AFF3: variants seen among roughly 807,000 people sequenced by gnomAD.
The protein encoded by AFF3 is ALF transcription elongation factor 3.
AFF3 carries 32 observed loss-of-function variants against 129.7 expected under a neutral mutation model. The ratio of observed to expected loss-of-function variants is 0.25; its 90% CI spans 0.19 to 0.33. The LOEUF is 0.33. Ranked by LOEUF, AFF3 falls within the 10% of genes least tolerant of loss-of-function variation. The pLI, the probability that AFF3 is intolerant of heterozygous loss-of-function variation, is 1.00. For missense variants in AFF3, 1,373 were observed against 1,592.0 expected (o/e 0.86, Z 2.34); for synonymous variants, 644 against 635.4 (o/e 1.01, Z -0.20).
Position 99,724,271 on chromosome 2 carries a change from C to CTTTTTTTTTTTTTTTTTTTTTTTTTTTTT in AFF3, c.1091+2805_1091+2806insAAAAAAAAAAAAAAAAAAAAAAAAAAAAA, listed in dbSNP as rs58303232. Among the ~76,000 whole-genome samples, 10 of 66,862 alleles carry CTTTTTTTTTTTTTTTTTTTTTTTTTTTTT rather than the reference C, an allele frequency of 1.5e-4. 5 individuals are homozygous for CTTTTTTTTTTTTTTTTTTTTTTTTTTTTT. The highest frequency in any genetic ancestry group is 2.6e-4 in the African/African-American group (4 of 15,252). The allele number at this position is 66,862 out of a possible 152,430, so 43.9% of individuals were successfully genotyped here. On this transcript the variant is annotated intron_variant, in intron 11 of 24. Coordinates refer to ENST00000672756, the MANE Select transcript of AFF3 (RefSeq NM_001386135.1). ...TCCTCACTTCAGTGGAATGACCTTT[C>CTTTTTTTTTTTTTTTTTTTTTTTTTTTTT]TTTTTTTTTTTTTTTTTTTGAGACA...
At chr2:100,070,211 TA>T (rs11320849) in intron 4 of AFF3, among the ~76,000 whole-genome samples, 78,354 of 149,548 alleles carry the variant, frequency 0.52, 21,243 homozygotes, top group African/African-American at 0.69. Context: ...GGTGGTTTTA[TA>T]AAAAAAAAAA....
intron 13 of AFF3, among the ~76,000 whole-genome samples, chr2:99,637,432 T>A (rs1683768497): frequency 6.6e-6 from 1 of 152,178 alleles, no homozygotes; most frequent in African/African-American, 2.4e-5. Context: ...CTTTTTTGAA[T>A]CTTTTTTTCT....
chr2:99,746,691 G>A (rs888129560), intron 9 of AFF3, among the ~76,000 whole-genome samples: 1 of 152,200 alleles, frequency 6.6e-6, no homozygotes, highest in African/African-American at 2.4e-5. Context: ...TTGGATAGAT[G>A]CTGTCACTAA....
At chr2:99,989,520 A>G (rs2104573694) in intron 7 of AFF3, among the ~76,000 whole-genome samples, 1 of 152,388 alleles carries the variant, frequency 6.6e-6, no homozygotes, top group East Asian at 1.9e-4. Flanking sequence ...TCATCAGTAT[A>G]TAGTATAAAG....
rs890183062 is a variant in AFF3 at position 100,105,782 on chromosome 2, C to T, written c.-144-199G>A. ...CAAGGCCCCCTGACTCTCCTGACCTCTTGGCCACAGCTCCGGATTCTCACC... is the reference window on the plus strand; with the variant it reads ...CAAGGCCCCCTGACTCTCCTGACCTTTTGGCCACAGCTCCGGATTCTCACC... On this transcript the variant is annotated intron_variant, in intron 2 of 24. Coordinates refer to ENST00000672756, the MANE Select transcript of AFF3 (RefSeq NM_001386135.1). 5 of 1,358,012 alleles carry T rather than the reference C, an allele frequency of 3.7e-6. No individual in the cohort carries two copies. The African/African-American group carries it at 4.4e-5, about 12-fold the overall frequency. 84.1% of individuals were successfully genotyped at this position (1,358,012 alleles called of 1,614,324 possible). A position where few individuals can be genotyped will look rare whatever the true frequency, so the allele number is the denominator to read the frequency against.
chr2:99,632,687 T>C (rs1432823364), intron 13 of AFF3, among the ~76,000 whole-genome samples: 1 of 152,160 alleles, frequency 6.6e-6, no homozygotes, highest in East Asian at 1.9e-4. Flanking sequence ...CACTGAAAGA[T>C]AGAAGAAAAT....
At chr2:99,795,248 C>T (rs1685479674) in intron 8 of AFF3, among the ~76,000 whole-genome samples, 1 of 152,106 alleles carries the variant, frequency 6.6e-6, no homozygotes, top group South Asian at 2.1e-4. Flanking sequence ...CAGCAACATC[C>T]CTGGCTGCAC....
intron 11 of AFF3, among the ~76,000 whole-genome samples, chr2:99,681,326 TAGG>T (rs1316871056): frequency 6.6e-6 from 1 of 152,220 alleles, no homozygotes; most frequent in South Asian, 2.1e-4. Context: ...TAAAGCTTCA[TAGG>T]AGTTTTCAGT....
chr2:99,778,617 G>A (rs1242937322), intron 8 of AFF3, among the ~76,000 whole-genome samples: 2 of 152,080 alleles, frequency 1.3e-5, no homozygotes, highest in Non-Finnish European at 2.9e-5. Flanking sequence ...CTATCCATGA[G>A]CACAGAACAT....
Position 99,707,574 on chromosome 2 carries a change from T to A in AFF3, c.1091+19503A>T, listed in dbSNP as rs202064206. 503 of 913,834 alleles carry A rather than the reference T, an allele frequency of 5.5e-4. 4 individuals carry two copies. In the African/African-American group the frequency reaches 8.5e-3, roughly 16 times the overall value. 56.6% of individuals were successfully genotyped at this position (913,834 alleles called of 1,614,324 possible). ...CCAAAGTATCTCGCTGAAAAAAAAA[T>A]CCCCCTTGCAATTAATAAACAAGTT... On this transcript the variant is annotated intron_variant, in intron 11 of 24. Coordinates refer to ENST00000672756, the MANE Select transcript of AFF3 (RefSeq NM_001386135.1).
intron 7 of AFF3, among the ~76,000 whole-genome samples, chr2:99,915,001 T>C (rs1216070165): frequency 6.6e-6 from 1 of 152,124 alleles, no homozygotes; most frequent in Non-Finnish European, 1.5e-5. Context: ...ACATGTGTTA[T>C]ACATACATAT....
At chr2:99,622,946 T>C (rs1026875544) in intron 13 of AFF3, among the ~76,000 whole-genome samples, 4 of 152,164 alleles carry the variant, frequency 2.6e-5, no homozygotes, top group African/African-American at 9.7e-5. Flanking sequence ...ATGACTCTGC[T>C]TCAAACAAAG....
chr2:99,629,077 C>A (rs1417793638), intron 13 of AFF3, among the ~76,000 whole-genome samples: 1 of 152,126 alleles, frequency 6.6e-6, no homozygotes, highest in Non-Finnish European at 1.5e-5. Context: ...AGGCTGGTCT[C>A]AAACTCTTGA....
At chr2:100,084,203 G>A (rs1187636186) in intron 4 of AFF3, among the ~76,000 whole-genome samples, 7 of 152,192 alleles carry the variant, frequency 4.6e-5, no homozygotes, top group Admixed American at 2.0e-4. Context: ...ATAAACACTC[G>A]GCGACCACAT....
intron 7 of AFF3, among the ~76,000 whole-genome samples, chr2:99,920,164 C>G (rs1373081517): frequency 6.6e-6 from 1 of 152,000 alleles, no homozygotes; most frequent in Non-Finnish European, 1.5e-5. Flanking sequence ...ACCAATCCCA[C>G]ACAGTGTCTT....
intron 8 of AFF3, among the ~76,000 whole-genome samples, chr2:99,812,706 C>T (rs960921453): frequency 2.0e-5 from 3 of 152,166 alleles, no homozygotes; most frequent in African/African-American, 4.8e-5. Context: ...GGTTTACTTT[C>T]TGACTTGTAT....
chr2:99,629,609 G>A (rs564054167), intron 13 of AFF3, among the ~76,000 whole-genome samples: 50 of 152,282 alleles, frequency 3.3e-4, no homozygotes, highest in African/African-American at 1.1e-3. Context: ...TGTCTCAGTC[G>A]GTTTGGGCTG....
At chr2:100,045,470 A>G (rs2105089215) in intron 4 of AFF3, among the ~76,000 whole-genome samples, 1 of 152,318 alleles carries the variant, frequency 6.6e-6, no homozygotes, top group African/African-American at 2.4e-5. Flanking sequence ...TAAGGCTATC[A>G]ATGAATATTT....
intron 7 of AFF3, among the ~76,000 whole-genome samples, chr2:99,890,574 C>T (rs1693473319): frequency 6.6e-6 from 1 of 152,146 alleles, no homozygotes; most frequent in Non-Finnish European, 1.5e-5. Context: ...AGCCCCGGAG[C>T]AGGAGGAAGA....
Sources: allele counts gnomAD v4.1 joint callset (sites outside exome capture counted in the v4.1 genomes callset), GRCh38; gene constraint gnomAD v4.1.1; transcripts MANE v1.5; gene names NCBI Gene and HGNC (gene_info 2026-07-23, HGNC 2026-07-21).